The following STS variants were observed in gnomAD, a reference collection of about 807,000 sequenced individuals.
STS encodes steryl-sulfatase.
Under a neutral mutation model 26.8 loss-of-function variants are expected in STS, and 7 were observed. That is an observed-to-expected ratio of 0.26 (90% CI 0.15 to 0.49). The LOEUF is 0.49. STS is among the 20% of genes least tolerant of loss of function. The probability of loss-of-function intolerance (pLI) is 0.98; values close to 1 mark genes in which losing one functional copy is unlikely to be tolerated. For missense variants in STS, 434 were observed against 465.6 expected (o/e 0.93, Z 0.63); for synonymous variants, 199 against 189.4 (o/e 1.05, Z -0.42).
In STS at chrX:7,353,695, T is replaced by C. The variant is rs1243930130; in HGVS notation, c.*3434T>C. 3 of 111,046 alleles carry C rather than the reference T, an allele frequency of 2.7e-5. No individual in the cohort carries two copies. The highest frequency in any genetic ancestry group is 5.7e-5 in the Non-Finnish European group (3 of 53,016). 9.2% of individuals were successfully genotyped at this position (111,046 alleles called of 1,213,427 possible). On this transcript the variant is annotated 3_prime_UTR_variant, in exon 11 of 11. Transcript: ENST00000674429. ...GTAAGAAATTGGAGTGAGAAGGGCATGGTATTGGGACTAGGATCGGCTCTC... is the reference window on the plus strand; with the variant it reads ...GTAAGAAATTGGAGTGAGAAGGGCACGGTATTGGGACTAGGATCGGCTCTC...
intron 2 of STS, among the ~76,000 whole-genome samples, chrX:7,205,008 G>A (rs1244365480): frequency 1.1e-4 from 12 of 111,840 alleles, no homozygotes; most frequent in African/African-American, 2.3e-4. Flanking sequence ...GCCCCACATG[G>A]CCCTAGGCCA....
chrX:7,234,452 T>A (rs1252951474), intron 2 of STS, among the ~76,000 whole-genome samples: 1 of 111,947 alleles, frequency 8.9e-6, no homozygotes, highest in Non-Finnish European at 1.9e-5. Flanking sequence ...CTTCTCTTGG[T>A]TTAACAGGAA....
chrX:7,347,871 T>C (rs1403444330), intron 10 of STS, among the ~76,000 whole-genome samples: 5 of 111,900 alleles, frequency 4.5e-5, no homozygotes, highest in African/African-American at 1.3e-4. Context: ...AGGAAATTTC[T>C]CATACCCTGG....
chrX:7,325,829 G>C (rs1927423089), intron 9 of STS, among the ~76,000 whole-genome samples: 1 of 112,069 alleles, frequency 8.9e-6, no homozygotes, highest in South Asian at 3.7e-4. Context: ...GGGAAACCCA[G>C]CCAGGCCTGT....
intron 8 of STS, among the ~76,000 whole-genome samples, chrX:7,321,207 G>A (rs1927013207): frequency 9.0e-6 from 1 of 111,719 alleles, no homozygotes; most frequent in African/African-American, 3.3e-5. Flanking sequence ...TCACTTATAA[G>A]TGGGAGCTAA....
intron 2 of STS, among the ~76,000 whole-genome samples, chrX:7,252,795 C>T (rs1406808671): frequency 1.8e-5 from 2 of 111,634 alleles, no homozygotes; most frequent in Admixed American, 9.5e-5. Context: ...GCACAAAGAG[C>T]TGCCCCAGGC....
intron 2 of STS, among the ~76,000 whole-genome samples, chrX:7,212,505 T>C (rs1460316632): frequency 9.0e-6 from 1 of 111,161 alleles, no homozygotes; most frequent in Admixed American, 9.6e-5. Context: ...AAAAAAGAAT[T>C]CTGTCTCAAG....
intron 2 of STS, among the ~76,000 whole-genome samples, chrX:7,232,076 C>T (rs1480920338): frequency 8.9e-6 from 1 of 111,740 alleles, no homozygotes. Flanking sequence ...TATTAGGGTG[C>T]TATGGCATAG....
chrX:7,239,055 T>G (rs1186306365), intron 2 of STS, among the ~76,000 whole-genome samples: 1 of 111,460 alleles, frequency 9.0e-6, no homozygotes, highest in African/African-American at 3.3e-5. Context: ...ATACTAGGTA[T>G]AATTGATTGT....
chrX:7,247,989 G>T (rs1049049546), intron 2 of STS, among the ~76,000 whole-genome samples: 2 of 111,460 alleles, frequency 1.8e-5, no homozygotes, highest in Non-Finnish European at 3.8e-5. Flanking sequence ...TCACTCGCAG[G>T]GCCATGGGGG....
chrX:7,194,108 T>C (rs1733172966), intron 2 of STS, among the ~76,000 whole-genome samples: 2 of 110,812 alleles, frequency 1.8e-5, no homozygotes, highest in African/African-American at 6.6e-5. Context: ...TTTCACCATA[T>C]TGGCCAGGCT....
chrX:7,269,531 G>A (rs1924169399), intron 6 of STS, among the ~76,000 whole-genome samples: 1 of 110,020 alleles, frequency 9.1e-6, no homozygotes, highest in African/African-American at 3.3e-5. Context: ...GCAGCACTGA[G>A]TGGGGCATTT....
At chrX:7,212,053 C>A (rs765686660) in intron 2 of STS, among the ~76,000 whole-genome samples, 13 of 112,298 alleles carry the variant, frequency 1.2e-4, no homozygotes, top group Non-Finnish European at 2.4e-4. Context: ...CAGTCAGAAT[C>A]ATTCAGCAAT....
intron 2 of STS, among the ~76,000 whole-genome samples, chrX:7,252,915 G>A (rs1004330334): frequency 2.7e-5 from 3 of 111,743 alleles, no homozygotes; most frequent in Non-Finnish European, 5.6e-5. Context: ...CTTTGCAAGG[G>A]TGTGGCAGGA....
At chrX:7,300,557 CA>C (rs1446134152) in intron 7 of STS, among the ~76,000 whole-genome samples, 1 of 111,752 alleles carries the variant, frequency 8.9e-6, no homozygotes, top group Non-Finnish European at 1.9e-5. Context: ...CTGGGATTTA[CA>C]AATGAGATTC....
intron 2 of STS, among the ~76,000 whole-genome samples, chrX:7,227,154 A>G (rs1182920945): frequency 9.0e-6 from 1 of 111,554 alleles, no homozygotes; most frequent in Non-Finnish European, 1.9e-5. Context: ...CTTTTTTATT[A>G]TTGATTTGTT....
At chrX:7,263,761 G>C (rs1361615127) in intron 6 of STS, among the ~76,000 whole-genome samples, 2 of 110,833 alleles carry the variant, frequency 1.8e-5, no homozygotes. Context: ...TGTTGCGTTT[G>C]TGTGTGTATA....
intron 2 of STS, among the ~76,000 whole-genome samples, chrX:7,195,866 A>G (rs1281570679): frequency 1.8e-5 from 2 of 112,022 alleles, no homozygotes; most frequent in Non-Finnish European, 3.8e-5. Flanking sequence ...AATGACAACC[A>G]TTACTTTCTC....
At chrX:7,318,881 G>A (rs780640532) in intron 8 of STS, among the ~76,000 whole-genome samples, 21 of 111,312 alleles carry the variant, frequency 1.9e-4, no homozygotes, top group Admixed American at 1.7e-3. Flanking sequence ...CAGAAGTATT[G>A]CCACCAGGTG....
Sources: allele counts gnomAD v4.1 joint callset (sites outside exome capture counted in the v4.1 genomes callset), GRCh38; gene constraint gnomAD v4.1.1; transcripts MANE v1.5; gene names NCBI Gene and HGNC (gene_info 2026-07-23, HGNC 2026-07-21).